The following PTPRO variants were observed in gnomAD, a reference collection of about 807,000 sequenced individuals.
The protein encoded by PTPRO is protein tyrosine phosphatase receptor type O.
Under a neutral mutation model 145.2 loss-of-function variants are expected in PTPRO, and 62 were observed. The ratio of observed to expected loss-of-function variants is 0.43; its 90% CI spans 0.35 to 0.53. The LOEUF (loss-of-function observed/expected upper bound fraction) is 0.53. Among genes scored for constraint, PTPRO ranks in the 20% least tolerant of loss-of-function variants. PTPRO has a pLI of 0.01. For synonymous variants in PTPRO, 565 were observed against 514.7 expected (o/e 1.10, Z -1.32); for missense variants, 1,345 against 1,482.7 (o/e 0.91, Z 1.53).
At chr12:15,543,869 G>C (rs1446391766) in intron 12 of PTPRO, among the ~76,000 whole-genome samples, 4 of 152,140 alleles carry the variant, frequency 2.6e-5, no homozygotes, top group South Asian at 2.1e-4. Context: ...AGGCAAACAT[G>C]GGCTGACATA....
chr12:15,447,881 G>A (rs777498691), intron 1 of PTPRO, among the ~76,000 whole-genome samples: 1 of 152,092 alleles, frequency 6.6e-6, no homozygotes, highest in Non-Finnish European at 1.5e-5. Context: ...AAAATCCCCT[G>A]TATGAGGGAA....
At chr12:15,405,207 G>A (rs1348378264) in intron 1 of PTPRO, among the ~76,000 whole-genome samples, 1 of 152,166 alleles carries the variant, frequency 6.6e-6, no homozygotes, top group Admixed American at 6.5e-5. Context: ...ATGTTTAAGG[G>A]AGGAAATAAG....
chr12:15,562,094 T>C (rs989808682), intron 17 of PTPRO, among the ~76,000 whole-genome samples: 1 of 152,152 alleles, frequency 6.6e-6, no homozygotes, highest in African/African-American at 2.4e-5. Flanking sequence ...AGGTAAAACA[T>C]AGAGCTGCAT....
At chr12:15,419,886 GCCTGTAATCC>G (rs902150606) in intron 1 of PTPRO, among the ~76,000 whole-genome samples, 1 of 149,298 alleles carries the variant, frequency 6.7e-6, no homozygotes, top group African/African-American at 2.5e-5. Context: ...AGTGGCTCAC[GCCTGTAATCC>G]CAGCACTTTG....
intron 25 of PTPRO, among the ~76,000 whole-genome samples, chr12:15,593,582 G>A (rs890831164): frequency 1.3e-5 from 2 of 152,092 alleles, no homozygotes; most frequent in African/African-American, 4.8e-5. Context: ...AGCCTGTATA[G>A]TATCAAAAAT....
chr12:15,493,248 T>C (rs1220047140), intron 2 of PTPRO, among the ~76,000 whole-genome samples: 1 of 152,042 alleles, frequency 6.6e-6, no homozygotes, highest in Non-Finnish European at 1.5e-5. Flanking sequence ...CCCAGATACA[T>C]CAAGAATAAA....
chr12:15,552,558 A>G (rs1439451876), intron 15 of PTPRO, among the ~76,000 whole-genome samples: 1 of 152,226 alleles, frequency 6.6e-6, no homozygotes, highest in African/African-American at 2.4e-5. Context: ...CTAGGAGCTT[A>G]CTTACCTAAC....
chr12:15,509,363 G>A (rs115904906), intron 7 of PTPRO, among the ~76,000 whole-genome samples: 1 of 137,088 alleles, frequency 7.3e-6, no homozygotes, highest in East Asian at 2.0e-4. Flanking sequence ...TAAAAGTAAC[G>A]CATTCTTGCT....
At chr12:15,536,905 T>G (rs536332805) in intron 12 of PTPRO, among the ~76,000 whole-genome samples, 2 of 152,266 alleles carry the variant, frequency 1.3e-5, no homozygotes, top group South Asian at 4.1e-4. Context: ...TTATACTTGT[T>G]TAGGTCAGAC....
chr12:15,351,383 C>A (rs1591729311), intron 1 of PTPRO, among the ~76,000 whole-genome samples: 1 of 152,190 alleles, frequency 6.6e-6, no homozygotes, highest in East Asian at 1.9e-4. Context: ...GTCAGCAAGA[C>A]TCCTGCCTCC....
chr12:15,514,042 T>A (rs185601736), intron 7 of PTPRO, among the ~76,000 whole-genome samples: 2 of 152,338 alleles, frequency 1.3e-5, no homozygotes, highest in Non-Finnish European at 2.9e-5. Flanking sequence ...ACCTTTTAGT[T>A]GAATTATCAA....
intron 1 of PTPRO, among the ~76,000 whole-genome samples, chr12:15,397,978 AAG>A (rs1284669629): frequency 6.6e-6 from 1 of 152,308 alleles, no homozygotes; most frequent in Non-Finnish European, 1.5e-5. Context: ...TGAATAATTT[AAG>A]AGTCAAAGGA....
chr12:15,532,066 T>G (rs2136540295), intron 12 of PTPRO, among the ~76,000 whole-genome samples: 1 of 152,296 alleles, frequency 6.6e-6, no homozygotes, highest in Middle Eastern at 3.4e-3. Context: ...TTCCTCAATT[T>G]ACCCAGTAAT....
chr12:15,422,054 C>A (rs900089418), intron 1 of PTPRO, among the ~76,000 whole-genome samples: 3 of 151,940 alleles, frequency 2.0e-5, no homozygotes, highest in Admixed American at 6.6e-5. Context: ...AGAATGATTT[C>A]ATTGAAGATA....
chr12:15,516,712 A>T lies in PTPRO; in HGVS notation c.1586-51A>T, dbSNP rs762610813. 1.6e-5 allele frequency: 24 copies of T among 1,503,982 alleles called. 1 individual carries two copies. The highest frequency in any genetic ancestry group is 2.2e-5 in the Non-Finnish European group (24 of 1,081,390). The allele number at this position is 1,503,982 out of a possible 1,614,324, so 93.2% of individuals were successfully genotyped here. On this transcript the variant is annotated intron_variant, in intron 8 of 26. Coordinates refer to ENST00000281171, the MANE Select transcript of PTPRO (RefSeq NM_030667.3). ...AAGTAGAAGTTTGAGGCCATTGCTAAGACATTCCTTCTTAACTTTCTTTTT... is the reference window on the plus strand; with the variant it reads ...AAGTAGAAGTTTGAGGCCATTGCTATGACATTCCTTCTTAACTTTCTTTTT...
chr12:15,469,767 A>AC (rs142712165), intron 1 of PTPRO, among the ~76,000 whole-genome samples: 24,808 of 112,656 alleles, frequency 0.22, 2,436 homozygotes, highest in South Asian at 0.34. Flanking sequence ...TAGTGTCCTG[A>AC]CAAAAAAAAA....
intron 20 of PTPRO, 62 bp downstream of exon 20, chr12:15,579,005 GATTAAT>G: frequency 7.1e-7 from 1 of 1,407,164 alleles, no homozygotes; most frequent in Admixed American, 1.7e-5. Context: ...TGTCATTGCA[GATTAAT>G]CAATTTCACC....
intron 1 of PTPRO, among the ~76,000 whole-genome samples, chr12:15,431,775 C>T (rs369162284): frequency 1.7e-4 from 26 of 151,986 alleles, no homozygotes; most frequent in African/African-American, 5.8e-4. Flanking sequence ...GATTAAAGAA[C>T]GATAGATTAT....
intron 1 of PTPRO, among the ~76,000 whole-genome samples, chr12:15,396,665 T>G (rs1013009308): frequency 6.6e-6 from 1 of 152,178 alleles, no homozygotes; most frequent in African/African-American, 2.4e-5. Flanking sequence ...GCTCATTCTC[T>G]ATTAAGTTTT....
Sources: allele counts gnomAD v4.1 joint callset (sites outside exome capture counted in the v4.1 genomes callset), GRCh38; gene constraint gnomAD v4.1.1; transcripts MANE v1.5; gene names NCBI Gene and HGNC (gene_info 2026-07-23, HGNC 2026-07-21).